Variants in BICC1 observed in about 807,000 individuals in gnomAD.
BICC1 encodes the protein BicC family RNA binding protein 1.
BICC1 carries 43 observed loss-of-function variants against 111.0 expected under a neutral mutation model. The observed-to-expected ratio is 0.39, with a 90% CI of 0.30 to 0.50. The LOEUF (loss-of-function observed/expected upper bound fraction) is 0.50, where lower values mean the gene tolerates loss of function less well. BICC1 is among the 20% of genes least tolerant of loss of function. The pLI is 0.88. For synonymous variants in BICC1, 467 were observed against 434.4 expected (o/e 1.07, Z -0.93); for missense variants, 1,091 against 1,203.2 (o/e 0.91, Z 1.38).
intron 3 of BICC1, among the ~76,000 whole-genome samples, chr10:58,738,398 A>C (rs1468978424): frequency 6.6e-6 from 1 of 151,952 alleles, no homozygotes; most frequent in African/African-American, 2.4e-5. Context: ...AGATAGTTGT[A>C]GATATGCGGC....
chr10:58,613,132 C>G (rs1220592110), intron 1 of BICC1, among the ~76,000 whole-genome samples: 1 of 152,130 alleles, frequency 6.6e-6, no homozygotes, highest in East Asian at 1.9e-4. Flanking sequence ...ATATGAAATG[C>G]TTTACCTGCA....
At chr10:58,560,051 G>A (rs572998975) in intron 1 of BICC1, among the ~76,000 whole-genome samples, 10 of 151,416 alleles carry the variant, frequency 6.6e-5, no homozygotes, top group Non-Finnish European at 1.3e-4. Context: ...TCTTTGTCTC[G>A]CTTTGGTATT....
At chr10:58,599,426 C>G (rs1588911599) in intron 1 of BICC1, among the ~76,000 whole-genome samples, 1 of 152,106 alleles carries the variant, frequency 6.6e-6, no homozygotes, top group Admixed American at 6.5e-5. Context: ...TGCATGTTCT[C>G]ACTCATAAGT....
chr10:58,774,844 T>C (rs925123180), intron 3 of BICC1, among the ~76,000 whole-genome samples: 2 of 152,210 alleles, frequency 1.3e-5, no homozygotes, highest in Non-Finnish European at 2.9e-5. Context: ...TCATTTTGTA[T>C]TGAATTATTT....
intron 2 of BICC1, among the ~76,000 whole-genome samples, chr10:58,655,938 G>T (rs1405796315): frequency 6.6e-6 from 1 of 152,024 alleles, no homozygotes; most frequent in Non-Finnish European, 1.5e-5. Context: ...CAACAAAATT[G>T]ATAGACCGCT....
intron 2 of BICC1, among the ~76,000 whole-genome samples, chr10:58,627,813 A>G (rs1166563975): frequency 1.3e-5 from 2 of 152,198 alleles, no homozygotes; most frequent in East Asian, 3.8e-4. Context: ...GATGTGTCTG[A>G]AAATCCATAT....
chr10:58,746,478 C>G (rs1841839971), intron 3 of BICC1, among the ~76,000 whole-genome samples: 1 of 152,066 alleles, frequency 6.6e-6, no homozygotes, highest in East Asian at 1.9e-4. Context: ...TACCTTCTTC[C>G]TTAATTAAAA....
chr10:58,820,361 A>G lies in BICC1; in HGVS notation c.2695-8A>G. ...ACATTGGTTATAGATTGACCTTTCT[A>G]CCCACAGATCGATCTTCAGACATTC... On this transcript the variant is annotated splice_region_variant and splice_polypyrimidine_tract_variant and intron_variant, in intron 19 of 20. Coordinates refer to ENST00000373886, the MANE Select transcript of BICC1 (RefSeq NM_001080512.3). The G allele has an allele frequency of 6.3e-7, 1 of 1,594,958 alleles. No individual in the cohort carries two copies. Among genetic ancestry groups the G allele is most frequent in the Non-Finnish European group, 8.6e-7 (1 of 1,163,280 alleles).
intron 2 of BICC1, among the ~76,000 whole-genome samples, chr10:58,699,279 T>G (rs1404366713): frequency 6.6e-6 from 1 of 152,224 alleles, no homozygotes; most frequent in East Asian, 1.9e-4. Flanking sequence ...TTGAGAGTGG[T>G]CTTTGTGAAC....
At chr10:58,766,295 G>A (rs1170127002) in intron 3 of BICC1, among the ~76,000 whole-genome samples, 1 of 152,158 alleles carries the variant, frequency 6.6e-6, no homozygotes, top group East Asian at 1.9e-4. Flanking sequence ...AAAGGGGATG[G>A]CAGGGATACT....
chr10:58,577,512 A>G (rs1386847920), intron 1 of BICC1, among the ~76,000 whole-genome samples: 3 of 152,214 alleles, frequency 2.0e-5, no homozygotes, highest in Admixed American at 6.5e-5. Flanking sequence ...ACAGTGAAGT[A>G]TCTGTTTCCA....
At chr10:58,533,178 G>C (rs1184048239) in intron 1 of BICC1, among the ~76,000 whole-genome samples, 55 of 151,908 alleles carry the variant, frequency 3.6e-4, no homozygotes, top group Non-Finnish European at 2.9e-5. Context: ...TGCCATGGCA[G>C]TGCTTCTGCT....
In BICC1 at chr10:58,760,789, T is replaced by G. The variant is rs1842292333; in HGVS notation, c.308-24212T>G. 2.6e-5 allele frequency among the ~76,000 whole-genome samples: 4 copies of G among 152,158 alleles called. No homozygotes were observed. In the South Asian group the frequency reaches 8.3e-4, roughly 32 times the overall value. On this transcript the variant is annotated intron_variant, in intron 3 of 20. Transcript: ENST00000373886. ...TGGATCTGAAGCTGGCTTTTTCTAA[T>G]GGGAGGAGGAATGTAAATTGAACCT...
At chr10:58,681,823 G>A (rs1475200145) in intron 2 of BICC1, among the ~76,000 whole-genome samples, 1 of 151,676 alleles carries the variant, frequency 6.6e-6, no homozygotes, top group African/African-American at 2.4e-5. Flanking sequence ...GACTTCAGGA[G>A]TGAAGCTGCA....
At chr10:58,648,530 A>G in intron 2 of BICC1, 1 of 985,292 alleles carries the variant, frequency 1.0e-6, no homozygotes, top group Non-Finnish European at 1.2e-6. Context: ...TCCTATAAAT[A>G]TGTCTGTTGC....
In BICC1 at chr10:58,530,684, CAA is replaced by C. The variant is rs67946394; in HGVS notation, c.190+17367_190+17368del. Among the ~76,000 whole-genome samples, 577 of 86,494 alleles carry C rather than the reference CAA, an allele frequency of 6.7e-3. 6 individuals are homozygous for C. The highest frequency in any genetic ancestry group is 9.1e-3 in the East Asian group (29 of 3,182). The allele number at this position is 86,494 out of a possible 152,430, so 56.7% of individuals were successfully genotyped here. A position where few individuals can be genotyped will look rare whatever the true frequency, so the allele number is the denominator to read the frequency against. Reference sequence around the variant, plus strand: ...ACAATGTCTTTATATACTTTAAATGCAAAAAAAAAAAAAAAAAGAAAATCAGA... The same window carrying C: ...ACAATGTCTTTATATACTTTAAATGCAAAAAAAAAAAAAAAGAAAATCAGA... On this transcript the variant is annotated intron_variant, in intron 1 of 20. Transcript: ENST00000373886.
chr10:58,784,941 T>TA, intron 3 of BICC1, 60 bp from the exon 4 acceptor site: 1 of 926,340 alleles, frequency 1.1e-6, no homozygotes, highest in Admixed American at 2.5e-5. Context: ...ACAGAGTTTT[T>TA]AAAACAATTT....
chr10:58,735,991 A>G (rs956894360), intron 3 of BICC1, among the ~76,000 whole-genome samples: 2 of 152,014 alleles, frequency 1.3e-5, no homozygotes, highest in Non-Finnish European at 2.9e-5. Context: ...TTCTCTTTCC[A>G]TGTTTTATCA....
At chr10:58,669,773 T>C (rs770500718) in intron 2 of BICC1, among the ~76,000 whole-genome samples, 7 of 152,154 alleles carry the variant, frequency 4.6e-5, no homozygotes, top group African/African-American at 1.7e-4. Flanking sequence ...AGCTAGAACT[T>C]TACCCATATA....
Sources: allele counts gnomAD v4.1 joint callset (sites outside exome capture counted in the v4.1 genomes callset), GRCh38; gene constraint gnomAD v4.1.1; transcripts MANE v1.5; gene names NCBI Gene and HGNC (gene_info 2026-07-23, HGNC 2026-07-21).